Variants in RETNLB observed in about 807,000 individuals in gnomAD.
RETNLB encodes resistin like beta, also known as resistin-like beta.
A neutral mutation model predicts 6.8 loss-of-function variants in RETNLB; 11 were observed. The ratio of observed to expected loss-of-function variants is 1.62; its 90% CI spans 1.02 to 2.68. RETNLB has a LOEUF of 2.68. Ranked by LOEUF, RETNLB falls within the 30% of genes most tolerant of loss-of-function variation. RETNLB has a pLI of 0.00. For missense variants in RETNLB, 146 were observed against 135.7 expected, an observed-to-expected ratio of 1.08 and a Z score of -0.38; for synonymous variants, 57 against 54.2, an observed-to-expected ratio of 1.05 and a Z score of -0.23.
chr3:108,755,748 C>A lies in RETNLB; in HGVS notation c.*30G>T. 6.2e-7 allele frequency: 1 copy of A among 1,609,458 alleles called. No homozygotes were observed. Among genetic ancestry groups the A allele is most frequent in the South Asian group, 1.1e-5 (1 of 90,842 alleles). ...ACCCTGGTTTCATTACTGTCATGGTCACAAAACTGAGTTCTCAGCCTCCTC... is the reference window on the plus strand; with the variant it reads ...ACCCTGGTTTCATTACTGTCATGGTAACAAAACTGAGTTCTCAGCCTCCTC... On this transcript the variant is annotated 3_prime_UTR_variant, in exon 3 of 3. Coordinates refer to ENST00000295755, the MANE Select transcript of RETNLB (RefSeq NM_032579.3).
rs1295541268 is a variant in RETNLB, at chr3:108,755,704, G to A, written c.*74C>T. ...GGAACAAATGAAGTGGGACGTTTGAGTTAGATTTCTTGGTTGGGACCCTGG... is the reference window on the plus strand; with the variant it reads ...GGAACAAATGAAGTGGGACGTTTGAATTAGATTTCTTGGTTGGGACCCTGG... On this transcript the variant is annotated 3_prime_UTR_variant, in exon 3 of 3. Transcript: ENST00000295755. The A allele has an allele frequency of 5.2e-6, 8 of 1,534,938 alleles. No individual in the cohort carries two copies. The highest frequency in any genetic ancestry group is 6.3e-6 in the Non-Finnish European group (7 of 1,116,758).
chr3:108,757,076 T>C lies in RETNLB; in HGVS notation c.110A>G (p.Asp37Gly). The C allele has an allele frequency of 6.2e-7, 1 of 1,613,714 alleles. No individual in the cohort carries two copies. The highest frequency in any genetic ancestry group is 8.5e-7 in the Non-Finnish European group (1 of 1,179,818). ...TCAGTTACCTAGACTGTTGAGAACA[T>C]CCTTGATCTTCTTATCCATAACGGA... is the stretch of plus-strand genomic sequence containing the variant. ...LDSVMDKKIK[D>G]VLNSLEYSPS... The change falls in exon 1 of 3, where the codon GAT becomes GGT. Residue 37 changes from aspartate to glycine, a missense_variant. Coordinates refer to ENST00000295755, the MANE Select transcript of RETNLB (RefSeq NM_032579.3).
rs776091428 is a variant in RETNLB at position 108,755,746 on chromosome 3, G to A, written c.*32C>T. The A allele has an allele frequency of 6.2e-7, 1 of 1,608,560 alleles. No individual in the cohort carries two copies. The highest frequency in any genetic ancestry group is 2.2e-5 in the East Asian group (1 of 44,720). On this transcript the variant is annotated 3_prime_UTR_variant, in exon 3 of 3. Transcript: ENST00000295755. Reference sequence around the variant, plus strand: ...GGACCCTGGTTTCATTACTGTCATGGTCACAAAACTGAGTTCTCAGCCTCC... The same window carrying A: ...GGACCCTGGTTTCATTACTGTCATGATCACAAAACTGAGTTCTCAGCCTCC...
At chr3:108,756,051 T>C in intron 2 of RETNLB, 146 bp from the exon 3 acceptor site, 1 of 813,330 alleles carries the variant, frequency 1.2e-6, no homozygotes, top group Non-Finnish European at 2.0e-6. Context: ...TGCGAGCTCA[T>C]TTCAAGAAAA....
In RETNLB at chr3:108,757,196, G is replaced by A. The variant is rs1024494664; in HGVS notation, c.-11C>T. On this transcript the variant is annotated 5_prime_UTR_variant, in exon 1 of 3. Transcript: ENST00000295755. ...AGAGGACGGCCCCATCCTGTACAGA[G>A]TCAGTGTCCTGGGGCTGGGAGAAAA... 3 of 1,609,794 alleles carry A rather than the reference G, an allele frequency of 1.9e-6. No individual in the cohort carries two copies. The Admixed American group carries it at 5.0e-5, about 27-fold the overall frequency.
chr3:108,757,258 G>A lies in RETNLB; in HGVS notation c.-73C>T, dbSNP rs190826437. On this transcript the variant is annotated 5_prime_UTR_variant, in exon 1 of 3. Coordinates refer to ENST00000295755, the MANE Select transcript of RETNLB (RefSeq NM_032579.3). Reference sequence around the variant, plus strand: ...GCTTAGATCTCTGAGCTCCTGGGTGGTGGTGAAGGAAAGAAGACAACGTGG... The same window carrying A: ...GCTTAGATCTCTGAGCTCCTGGGTGATGGTGAAGGAAAGAAGACAACGTGG... The A allele has an allele frequency of 2.1e-4, 325 of 1,524,190 alleles. 1 individual carries two copies. In the East Asian group the frequency reaches 6.7e-3, roughly 32 times the overall value. The allele number at this position is 1,524,190 out of a possible 1,614,324, so 94.4% of individuals were successfully genotyped here.
At position 108,755,820 on chromosome 3, in the gene RETNLB, A is replaced by G; in HGVS notation, c.294T>C (p.Ser98=). The G allele has an allele frequency of 6.2e-7, 1 of 1,614,092 alleles. No homozygotes were observed. Among genetic ancestry groups the G allele is most frequent in the Non-Finnish European group, 8.5e-7 (1 of 1,179,936 alleles). ...QLETTCHCQC[S]VVDWTTARCC... ...AGCGGGCAGTGGTCCAGTCCACCAC[A>G]CTGCACTGGCAGTGGCAGGTGGTTT... Residue 98 remains serine (S), a synonymous_variant, in exon 3 of 3, where the codon AGT becomes AGC. Coordinates refer to ENST00000295755, the MANE Select transcript of RETNLB (RefSeq NM_032579.3).
rs1388968627 is a variant in RETNLB, at chr3:108,755,726, C to T, written c.*52G>A. ...TGAGTTAGATTTCTTGGTTGGGACCCTGGTTTCATTACTGTCATGGTCACA... is the reference window on the plus strand; with the variant it reads ...TGAGTTAGATTTCTTGGTTGGGACCTTGGTTTCATTACTGTCATGGTCACA... On this transcript the variant is annotated 3_prime_UTR_variant, in exon 3 of 3. Transcript: ENST00000295755. The T allele has an allele frequency of 1.1e-5, 18 of 1,592,756 alleles. No homozygotes were observed. Among genetic ancestry groups the T allele is most frequent in the African/African-American group, 2.7e-5 (2 of 74,486 alleles).
chr3:108,756,049 C>T, intron 2 of RETNLB, 144 bp from the exon 3 acceptor site: 6 of 818,134 alleles, frequency 7.3e-6, no homozygotes, highest in Non-Finnish European at 1.2e-5. Context: ...TTTGCGAGCT[C>T]ATTTCAAGAA....
intron 1 of RETNLB, 72 bp downstream of exon 1, chr3:108,756,987 C>CAA (rs1390484959): frequency 6.5e-7 from 1 of 1,542,632 alleles, no homozygotes; most frequent in Non-Finnish European, 8.8e-7. Flanking sequence ...GGGATAGAGA[C>CAA]AAAGCTAGAG....
In RETNLB at chr3:108,757,319, C is replaced by T; in HGVS notation, c.-134G>A. 1 of 1,003,134 alleles carries T rather than the reference C, an allele frequency of 1.0e-6. No individual in the cohort carries two copies. The highest frequency in any genetic ancestry group is 1.4e-6 in the Non-Finnish European group (1 of 695,802). The allele number at this position is 1,003,134 out of a possible 1,614,324, so 62.1% of individuals were successfully genotyped here. The stretch of plus-strand genomic sequence containing the variant: ...GGGAGTAAAGATGGAAGAACAGCGT[C>T]ATCAGTACTGGATCTCTTTAGGCAG... On this transcript the variant is annotated 5_prime_UTR_variant, in exon 1 of 3. An upstream start codon of the reference 5' UTR is lost. Transcript: ENST00000295755.
rs1466183283 is a variant in RETNLB, at chr3:108,755,891, C to T, written c.223G>A (p.Gly75Ser). ...SSCPAGMAVT[G>S]CACGYGCGSW... is the part of the protein sequence containing the mutation. The stretch of plus-strand genomic sequence containing the variant: ...CCACAGCCATAGCCACAAGCACAGC[C>T]AGTGACAGCCATCCCTGCATGAGCA... The change falls in exon 3 of 3, where the codon GGC (glycine) becomes AGC (serine). Residue 75 changes from glycine to serine, a missense_variant. Coordinates refer to ENST00000295755, the MANE Select transcript of RETNLB (RefSeq NM_032579.3). 3 of 1,614,064 alleles carry T rather than the reference C, an allele frequency of 1.9e-6. No homozygotes were observed. The highest frequency in any genetic ancestry group is 2.5e-6 in the Non-Finnish European group (3 of 1,180,036).
intron 1 of RETNLB, 85 bp downstream of exon 1, chr3:108,756,974 G>C: frequency 6.7e-7 from 1 of 1,485,880 alleles, no homozygotes; most frequent in South Asian, 1.4e-5. Flanking sequence ...GGGATCTTGG[G>C]ATGGGATAGA....
Position 108,756,044 on chromosome 3 carries a change from G to A in RETNLB, c.209-139C>T, listed in dbSNP as rs180734468. ...GGGCCTCAAGCTCATTCAATTTTGC[G>A]AGCTCATTTCAAGAAAAGAAATACA... On this transcript the variant is annotated intron_variant, in intron 2 of 2. Coordinates refer to ENST00000295755, the MANE Select transcript of RETNLB (RefSeq NM_032579.3). The A allele has an allele frequency of 3.5e-3, 3,114 of 881,784 alleles. 11 individuals carry two copies. Among genetic ancestry groups the A allele is most frequent in the Non-Finnish European group, 4.1e-3 (2,333 of 570,958 alleles). The allele number at this position is 881,784 out of a possible 1,614,324, so 54.6% of individuals were successfully genotyped here. A position where few individuals can be genotyped will look rare whatever the true frequency, so the allele number is the denominator to read the frequency against.
Position 108,755,724 on chromosome 3 carries a change from C to A in RETNLB, c.*54G>T, listed in dbSNP as rs1449721546. The A allele has an allele frequency of 1.3e-6, 2 of 1,591,494 alleles. No homozygotes were observed. Among genetic ancestry groups the A allele is most frequent in the South Asian group, 1.1e-5 (1 of 89,598 alleles). ...TTTGAGTTAGATTTCTTGGTTGGGA[C>A]CCTGGTTTCATTACTGTCATGGTCA... is the stretch of plus-strand genomic sequence containing the variant. On this transcript the variant is annotated 3_prime_UTR_variant, in exon 3 of 3. Transcript: ENST00000295755.
intron 2 of RETNLB, 126 bp from the exon 3 acceptor site, chr3:108,756,031 C>A: frequency 9.7e-7 from 1 of 1,025,964 alleles, no homozygotes; most frequent in Non-Finnish European, 1.4e-6. Context: ...GCCTCAAGCT[C>A]ATTCAATTTT....
intron 1 of RETNLB, chr3:108,756,855 C>G (rs145063685): frequency 8.2e-6 from 5 of 609,052 alleles, no homozygotes; most frequent in Non-Finnish European, 1.4e-5. Context: ...TTACAGCTAC[C>G]ATTCTCCTCC....
chr3:108,756,445 G>A (rs1945250673), intron 2 of RETNLB, 63 bp downstream of exon 2: 13 of 1,097,398 alleles, frequency 1.2e-5, no homozygotes, highest in Non-Finnish European at 1.7e-5. Flanking sequence ...GTAGGTGCAG[G>A]GAGATGGACA....
At chr3:108,756,922 T>C (rs12633056) in intron 1 of RETNLB, 137 bp downstream of exon 1, 4 of 949,966 alleles carry the variant, frequency 4.2e-6, no homozygotes, top group Non-Finnish European at 6.1e-6. Context: ...CAAACACGGG[T>C]AGGGTAGTGT....
Sources: gnomAD v4.1 joint callset for allele counts on GRCh38, gnomAD v4.1.1 for gene constraint, MANE v1.5 for transcripts, NCBI Gene and HGNC (gene_info 2026-07-23, HGNC 2026-07-21) for gene names.